LMF1: variants seen among roughly 807,000 people sequenced by gnomAD.
LMF1 encodes transmembrane protein 112.
Under a neutral mutation model 60.6 loss-of-function variants are expected in LMF1, and 68 were observed. That is an observed-to-expected ratio of 1.12 (90% confidence interval 0.92 to 1.37). The LOEUF is 1.37. Among genes scored for constraint, LMF1 ranks in the 40% most tolerant of loss-of-function variants. The pLI is 0.00. For missense variants in LMF1, 948 were observed against 767.2 expected (o/e 1.24, Z -2.78); for synonymous variants, 418 against 324.7 (o/e 1.29, Z -3.09).
intron 2 of LMF1, chr16:934,506 A>C: frequency 1.9e-6 from 1 of 522,888 alleles, no homozygotes; most frequent in Non-Finnish European, 3.5e-6. Flanking sequence ...ATAGAAATAA[A>C]AAAATATGTA....
chr16:950,722 GCCA>G (rs1452618040), intron 2 of LMF1, among the ~76,000 whole-genome samples: 1 of 138,230 alleles, frequency 7.2e-6, no homozygotes, highest in African/African-American at 2.9e-5. Context: ...CAGAGTCAGA[GCCA>G]ACGACAGAGT....
intron 2 of LMF1, among the ~76,000 whole-genome samples, chr16:936,656 C>G (rs781616338): frequency 2.0e-5 from 3 of 152,216 alleles, no homozygotes; most frequent in Admixed American, 2.0e-4. Flanking sequence ...TCCCTGCCCC[C>G]CTTTCCGTGA....
At chr16:929,412 C>T (rs998669014) in intron 3 of LMF1, among the ~76,000 whole-genome samples, 2 of 152,232 alleles carry the variant, frequency 1.3e-5, no homozygotes, top group Non-Finnish European at 1.5e-5. Context: ...GTCAGGCCCA[C>T]ACTTGGGGGA....
At chr16:889,194 G>A (rs1395331002) in intron 5 of LMF1, among the ~76,000 whole-genome samples, 3 of 152,218 alleles carry the variant, frequency 2.0e-5, no homozygotes, top group Non-Finnish European at 2.9e-5. Context: ...GGAGTTTCAG[G>A]CAGAGCCACC....
At chr16:859,994 G>A (rs1025110675) in intron 10 of LMF1, among the ~76,000 whole-genome samples, 1 of 151,558 alleles carries the variant, frequency 6.6e-6, no homozygotes, top group African/African-American at 2.4e-5. Flanking sequence ...GTGTTATGGT[G>A]GTTTTTGCTT....
chr16:964,917 G>A (rs1390987287), intron 1 of LMF1, among the ~76,000 whole-genome samples: 2 of 152,256 alleles, frequency 1.3e-5, no homozygotes, highest in Non-Finnish European at 2.9e-5. Context: ...CGGAAAAGAA[G>A]GAAGGGCGGT....
chr16:882,904 C>G (rs1350520239), intron 5 of LMF1, among the ~76,000 whole-genome samples: 1 of 138,454 alleles, frequency 7.2e-6, no homozygotes, highest in African/African-American at 2.7e-5. Context: ...CGGAGCCCAT[C>G]GCAGGACCAG....
chr16:863,381 A>C (rs1238783303), intron 10 of LMF1, among the ~76,000 whole-genome samples: 1 of 152,182 alleles, frequency 6.6e-6, no homozygotes, highest in African/African-American at 2.4e-5. Context: ...AGTTCAGGTG[A>C]TCCACCCGCC....
chr16:881,222 C>T (rs1246948406), intron 5 of LMF1, among the ~76,000 whole-genome samples: 1 of 152,114 alleles, frequency 6.6e-6, no homozygotes, highest in Non-Finnish European at 1.5e-5. Context: ...GGGCACAGGG[C>T]CCCAGTGCAC....
intron 1 of LMF1, chr16:976,017 G>A (rs1424407025): frequency 2.2e-6 from 1 of 453,460 alleles, no homozygotes. Flanking sequence ...CTGGGCAAGG[G>A]GCCTCATGAA....
chr16:891,428 C>T (rs1445081420), intron 5 of LMF1, among the ~76,000 whole-genome samples: 1 of 152,242 alleles, frequency 6.6e-6, no homozygotes, highest in African/African-American at 2.4e-5. Context: ...GGCGCCTCAG[C>T]ATCTCTTGCC....
Position 960,496 on chromosome 16 carries a change from A to G in LMF1, c.194-5830T>C, listed in dbSNP as rs78571895. Among the ~76,000 whole-genome samples, 18 of 129,564 alleles carry G rather than the reference A, an allele frequency of 1.4e-4. 1 individual carries two copies. The highest frequency in any genetic ancestry group is 4.5e-4 in the African/African-American group (14 of 31,274). The allele number at this position is 129,564 out of a possible 152,430, so 85.0% of individuals were successfully genotyped here. A position where few individuals can be genotyped will look rare whatever the true frequency, so the allele number is the denominator to read the frequency against. On this transcript the variant is annotated intron_variant, in intron 1 of 10. Transcript: ENST00000262301. Reference sequence around the variant, plus strand: ...ACCCAGACACAGACTCACGGTGACAACACTGGATCACAACCCAGACACCAT... The same window carrying G: ...ACCCAGACACAGACTCACGGTGACAGCACTGGATCACAACCCAGACACCAT...
chr16:941,536 C>T (rs776681183), intron 2 of LMF1, among the ~76,000 whole-genome samples: 23 of 152,140 alleles, frequency 1.5e-4, no homozygotes, highest in Non-Finnish European at 3.2e-4. Context: ...TTCTAAATCT[C>T]TGTCTTTTAA....
Position 970,875 on chromosome 16 carries a change from C to T in LMF1, c.106G>A (p.Gly36Ser), listed in dbSNP as rs776764135. ...AGATGGGCCGGAGAGCCTGCGGGGC[C>T]ACGCCCCGGCGCGGGCGGCGACTCA... ...EPESPPAPGRGPAGSPAHLHT... is the reference protein window; with the variant it reads ...EPESPPAPGRSPAGSPAHLHT... The change falls in exon 1 of 11, where the codon GGC becomes AGC. Residue 36 changes from glycine (G) to serine (S), a missense_variant. Gly to Ser is a moderately conservative substitution (Grantham distance 56, BLOSUM62 0). Transcript: ENST00000262301. 31 of 1,568,732 alleles carry T rather than the reference C, an allele frequency of 2.0e-5. No homozygotes were observed. The African/African-American group carries it at 3.2e-4, about 16-fold the overall frequency.
chr16:957,634 G>A (rs1026743056), intron 1 of LMF1, among the ~76,000 whole-genome samples: 3 of 152,124 alleles, frequency 2.0e-5, no homozygotes, highest in African/African-American at 7.2e-5. Flanking sequence ...AAAATCATCT[G>A]GAAAAGAACA....
intron 3 of LMF1, among the ~76,000 whole-genome samples, chr16:919,603 T>C (rs548159970): frequency 5.4e-4 from 35 of 65,158 alleles, no homozygotes; most frequent in Non-Finnish European, 2.6e-5. Context: ...GGAGGGCGTC[T>C]GGACCGCAGT....
At chr16:953,409 A>C (rs394002) in intron 2 of LMF1, among the ~76,000 whole-genome samples, 3,080 of 28,020 alleles carry the variant, frequency 0.11, 385 homozygotes, top group East Asian at 0.24. Flanking sequence ...ACCCACCCCA[A>C]ACCAGCCTCC....
intron 10 of LMF1, among the ~76,000 whole-genome samples, chr16:858,045 T>C (rs200527434): frequency 6.3e-5 from 5 of 79,192 alleles, no homozygotes; most frequent in Non-Finnish European, 6.9e-5. Context: ...TGTCTCGGGA[T>C]GGGTGTGCAG....
chr16:944,984 C>T (rs1342082508), intron 2 of LMF1, among the ~76,000 whole-genome samples: 3 of 149,278 alleles, frequency 2.0e-5, no homozygotes, highest in Admixed American at 6.7e-5. Context: ...GAGGCCAAGG[C>T]GGGTGGATCA....
Sources: gnomAD v4.1 joint callset for allele counts (sites outside exome capture counted in the v4.1 genomes callset) on GRCh38, gnomAD v4.1.1 for gene constraint, MANE v1.5 for transcripts, NCBI Gene and HGNC (gene_info 2026-07-23, HGNC 2026-07-21) for gene names.